Variants in GPR89B observed in about 807,000 individuals in gnomAD.
GPR89B encodes G protein-coupled receptor 89B.
Under a neutral mutation model 52.4 loss-of-function variants are expected in GPR89B, and 25 were observed. The observed-to-expected ratio is 0.48, with a 90% CI of 0.35 to 0.67. The LOEUF is 0.67. Among genes scored for constraint, GPR89B ranks in the 30% least tolerant of loss-of-function variants. The pLI, the probability that GPR89B is intolerant of heterozygous loss-of-function variation, is 0.01. For synonymous variants in GPR89B, 52 were observed against 151.2 expected (o/e 0.34, Z 4.81); for missense variants, 146 against 450.2 (o/e 0.32, Z 6.11).
chr1:148,014,468 G>T, the GPR89B span: 2 of 151,018 alleles, frequency 1.3e-5, no homozygotes, highest in African/African-American at 4.9e-5. Context: ...CACCGCGGAC[G>T]AGGGCCCCGC....
At chr1:148,009,594 T>A in the GPR89B span, 13 of 1,421,588 alleles carry the variant, frequency 9.1e-6, no homozygotes, top group Middle Eastern at 2.5e-4. Flanking sequence ...ATCCACAACC[T>A]AGGAGGGAAG....
chr1:148,006,478 C>T, the GPR89B span, among the ~76,000 whole-genome samples: 1 of 151,856 alleles, frequency 6.6e-6, no homozygotes, highest in Non-Finnish European at 1.5e-5. Flanking sequence ...AGAGCAGTTC[C>T]CCCTTAACCA....
chr1:147,998,746 T>C, the GPR89B span, among the ~76,000 whole-genome samples: 1 of 151,716 alleles, frequency 6.6e-6, no homozygotes, highest in Non-Finnish European at 1.5e-5. Context: ...CCAGGTGTGG[T>C]AGCACACACC....
the GPR89B span, among the ~76,000 whole-genome samples, chr1:148,013,267 G>A: frequency 6.6e-6 from 1 of 152,076 alleles, no homozygotes; most frequent in Non-Finnish European, 1.5e-5. Flanking sequence ...GCTGCAAGCC[G>A]CTGGATAGCA....
At chr1:148,018,418 C>CAAA in the GPR89B span, among the ~76,000 whole-genome samples, 2 of 58,966 alleles carry the variant, frequency 3.4e-5, no homozygotes, top group African/African-American at 7.0e-5. Context: ...GACTCCGTCT[C>CAAA]AAAAAAAAAA....
chr1:147,992,636 A>C, intron 13 of GPR89B, 69 bp downstream of exon 13: 1 of 1,599,298 alleles, frequency 6.3e-7, no homozygotes, highest in Non-Finnish European at 8.6e-7. Context: ...TACTTTTAAG[A>C]ATTTTAATAA....
chr1:147,945,019 GC>G (rs1654848846), intron 5 of GPR89B, among the ~76,000 whole-genome samples: 2 of 147,960 alleles, frequency 1.4e-5, no homozygotes, highest in Non-Finnish European at 3.0e-5. Context: ...ACAGTATCAG[GC>G]AATTTATAGA....
chr1:147,991,398 G>A (rs1659057904), intron 12 of GPR89B, among the ~76,000 whole-genome samples: 1 of 152,012 alleles, frequency 6.6e-6, no homozygotes, highest in Admixed American at 6.6e-5. Flanking sequence ...CTGCAAACAG[G>A]GACAATTTGA....
chr1:147,980,568 CATACA>C (rs1454623704), intron 10 of GPR89B, among the ~76,000 whole-genome samples: 1 of 139,556 alleles, frequency 7.2e-6, no homozygotes, highest in Non-Finnish European at 1.5e-5. Context: ...ATATAATTCA[CATACA>C]ATACAATATA....
chr1:147,971,062 T>G (rs1213489955), intron 10 of GPR89B, among the ~76,000 whole-genome samples: 1 of 151,640 alleles, frequency 6.6e-6, no homozygotes, highest in Admixed American at 6.6e-5. Context: ...AAATCTGGAT[T>G]CATTCAGTGG....
At chr1:147,984,277 T>C (rs1437501250) in intron 10 of GPR89B, among the ~76,000 whole-genome samples, 4 of 151,580 alleles carry the variant, frequency 2.6e-5, no homozygotes, top group Non-Finnish European at 5.9e-5. Flanking sequence ...TGTATACATA[T>C]GTAACTAACC....
intron 3 of GPR89B, among the ~76,000 whole-genome samples, chr1:147,940,244 A>T (rs1217047092): frequency 6.6e-6 from 1 of 151,796 alleles, no homozygotes; most frequent in East Asian, 1.9e-4. Context: ...TCTACTAAAA[A>T]TACAAAAAAT....
the GPR89B span, chr1:148,014,336 A>G: frequency 6.6e-6 from 1 of 151,818 alleles, no homozygotes; most frequent in Non-Finnish European, 1.5e-5. Flanking sequence ...ACACCAAGGA[A>G]GCGCACTCAA....
At chr1:147,950,821 C>G (rs1416685877) in intron 5 of GPR89B, among the ~76,000 whole-genome samples, 1 of 152,170 alleles carries the variant, frequency 6.6e-6, no homozygotes, top group Non-Finnish European at 1.5e-5. Context: ...CAATCGCAGG[C>G]ACTCGGCAGG....
At position 147,968,869 on chromosome 1, in the gene GPR89B, T is replaced by C; in HGVS notation, c.728-6T>C. On this transcript the variant is annotated splice_polypyrimidine_tract_variant and splice_region_variant and intron_variant, in intron 8 of 13. Coordinates refer to ENST00000314163, the MANE Select transcript of GPR89B (RefSeq NM_016334.5). ...GATTAAAACCTTGATGCCCATTCTG[T>C]GCCAGATCTTACTCTTATTCAACAG... The C allele has an allele frequency of 6.2e-7, 1 of 1,612,642 alleles. No homozygotes were observed. Among genetic ancestry groups the C allele is most frequent in the Non-Finnish European group, 8.5e-7 (1 of 1,179,204 alleles).
intron 5 of GPR89B, among the ~76,000 whole-genome samples, chr1:147,945,384 G>A (rs1654881990): frequency 6.6e-6 from 1 of 151,508 alleles, no homozygotes; most frequent in African/African-American, 2.4e-5. Flanking sequence ...GAATGAGCCA[G>A]TGTCTATTAT....
At chr1:147,993,795 A>C (rs1191957216), downstream of GPR89B, 2 of 150,360 alleles carry the variant, frequency 1.3e-5, no homozygotes, top group African/African-American at 5.0e-5. Context: ...CTAGAGGCAA[A>C]TGAAGGTTAA....
chr1:148,003,142 C>T, the GPR89B span, among the ~76,000 whole-genome samples: 1 of 152,260 alleles, frequency 6.6e-6, no homozygotes, highest in East Asian at 1.9e-4. Context: ...TTTTACAAAA[C>T]ACAAACCAAA....
intron 10 of GPR89B, among the ~76,000 whole-genome samples, chr1:147,984,529 A>G (rs1467235410): frequency 7.4e-5 from 11 of 148,178 alleles, no homozygotes; most frequent in Non-Finnish European, 1.3e-4. Context: ...TTGCTATTTC[A>G]TTGATTTCTG....
Sources: gnomAD v4.1 joint callset for allele counts (sites outside exome capture counted in the v4.1 genomes callset) on GRCh38, gnomAD v4.1.1 for gene constraint, MANE v1.5 for transcripts, NCBI Gene and HGNC (gene_info 2026-07-23, HGNC 2026-07-21) for gene names.